CTNNA3: variants seen among roughly 807,000 people sequenced by gnomAD.
CTNNA3 encodes the protein catenin alpha-3.
In CTNNA3, 76 loss-of-function variants were observed where a neutral mutation model predicts 95.7. That is an observed-to-expected ratio of 0.79 (90% CI 0.66 to 0.96). The LOEUF is 0.96. Among genes scored for constraint, CTNNA3 ranks in the 40% least tolerant of loss-of-function variants. The pLI, the probability that CTNNA3 is intolerant of heterozygous loss-of-function variation, is 0.00. For missense variants in CTNNA3, 1,191 were observed against 1,089.8 expected (o/e 1.09, Z -1.31); for synonymous variants, 431 against 374.4 (o/e 1.15, Z -1.74).
intron 3 of CTNNA3, among the ~76,000 whole-genome samples, chr10:67,581,970 T>C (rs1182118056): frequency 6.6e-6 from 1 of 152,174 alleles, no homozygotes; most frequent in Non-Finnish European, 1.5e-5. Flanking sequence ...TTTGTCTTGA[T>C]AGCGGTCTAT....
intron 7 of CTNNA3, among the ~76,000 whole-genome samples, chr10:66,842,155 C>G (rs1213572294): frequency 2.0e-5 from 3 of 151,882 alleles, no homozygotes; most frequent in Non-Finnish European, 2.9e-5. Context: ...GTTGCCCAGG[C>G]TGGTCTTGAA....
intron 10 of CTNNA3, among the ~76,000 whole-genome samples, chr10:66,577,308 T>G (rs999782343): frequency 6.6e-6 from 1 of 152,112 alleles, no homozygotes; most frequent in Non-Finnish European, 1.5e-5. Flanking sequence ...TTTCTTTTAT[T>G]GTGCAAAAGC....
intron 12 of CTNNA3, among the ~76,000 whole-genome samples, chr10:66,284,915 C>T (rs1235495484): frequency 6.6e-6 from 1 of 151,626 alleles, no homozygotes; most frequent in Non-Finnish European, 1.5e-5. Flanking sequence ...CTACAAATAC[C>T]ACTTTATACT....
chr10:66,222,639 AAAG>A, intron 13 of CTNNA3, among the ~76,000 whole-genome samples: 1 of 149,626 alleles, frequency 6.7e-6, no homozygotes, highest in African/African-American at 2.5e-5. Flanking sequence ...AGAAAGAAAG[AAAG>A]AAAAGAGAGG....
chr10:66,882,523 C>T (rs747472205), intron 7 of CTNNA3, among the ~76,000 whole-genome samples: 22 of 152,096 alleles, frequency 1.4e-4, no homozygotes, highest in Non-Finnish European at 2.6e-4. Context: ...CATGCATTGA[C>T]GGTTCTTACA....
intron 6 of CTNNA3, among the ~76,000 whole-genome samples, chr10:67,197,224 G>A (rs143975009): frequency 2.3e-4 from 35 of 152,094 alleles, no homozygotes; most frequent in South Asian, 1.2e-3. Context: ...CATTTCCGAG[G>A]TTTATGTCAA....
chr10:66,100,198 C>T (rs1260402316), intron 14 of CTNNA3, among the ~76,000 whole-genome samples: 1 of 151,412 alleles, frequency 6.6e-6, no homozygotes, highest in East Asian at 1.9e-4. Context: ...ACTACTTGAT[C>T]CTACTGGGGA....
intron 11 of CTNNA3, among the ~76,000 whole-genome samples, chr10:66,434,191 G>A (rs2093320158): frequency 1.3e-5 from 2 of 152,010 alleles, no homozygotes; most frequent in South Asian, 4.2e-4. Context: ...AAAGTCAATG[G>A]TTGCTTAATG....
At chr10:66,823,857 CA>C (rs1401139709) in intron 7 of CTNNA3, among the ~76,000 whole-genome samples, 1 of 151,980 alleles carries the variant, frequency 6.6e-6, no homozygotes, top group African/African-American at 2.4e-5. Context: ...CCAGAGGGGC[CA>C]GAATCAAACC....
At position 66,487,181 on chromosome 10, in the gene CTNNA3, ATTTTTTTTTTTTTTTTTTTTTTTT is replaced by A. The variant is rs60547696; in HGVS notation, c.1531+33412_1531+33435del. On this transcript the variant is annotated intron_variant, in intron 11 of 17. Coordinates refer to ENST00000433211, the MANE Select transcript of CTNNA3 (RefSeq NM_013266.4). ...TACTTGAAATTTAATAAAAGGGCAG[ATTTTTTTTTTTTTTTTTTTTTTTT>A]TTTTTTTTTTTTTTGAGACGGAATC... 7.4e-4 allele frequency among the ~76,000 whole-genome samples: 34 copies of A among 45,948 alleles called. 1 individual carries two copies. The highest frequency in any genetic ancestry group is 3.0e-3 in the African/African-American group (33 of 11,090). 30.1% of individuals were successfully genotyped at this position (45,948 alleles called of 152,430 possible). A position where few individuals can be genotyped will look rare whatever the true frequency, so the allele number is the denominator to read the frequency against.
intron 1 of CTNNA3, among the ~76,000 whole-genome samples, chr10:67,726,438 T>TC (rs1841221379): frequency 1.4e-5 from 1 of 71,630 alleles, no homozygotes; most frequent in Non-Finnish European, 2.3e-5. Flanking sequence ...ATATCATATA[T>TC]AATATATAAT....
At chr10:66,658,932 C>T (rs1410584562) in intron 9 of CTNNA3, among the ~76,000 whole-genome samples, 1 of 152,060 alleles carries the variant, frequency 6.6e-6, no homozygotes, top group East Asian at 1.9e-4. Flanking sequence ...CAAGGGATCC[C>T]CCCGCTTCAG....
At chr10:67,436,741 A>T (rs1221817902) in intron 5 of CTNNA3, among the ~76,000 whole-genome samples, 1 of 152,208 alleles carries the variant, frequency 6.6e-6, no homozygotes, top group Non-Finnish European at 1.5e-5. Flanking sequence ...ATAACTAATT[A>T]TCAGGGAAAT....
rs1297513703 is a variant in CTNNA3 at position 67,402,848 on chromosome 10, T to TGCCAGTCA, written c.579+118993_579+118994insTGACTGGC. 5.3e-5 allele frequency among the ~76,000 whole-genome samples: 8 copies of TGCCAGTCA among 152,182 alleles called. No individual in the cohort carries two copies. In the East Asian group the frequency reaches 1.5e-3, roughly 29 times the overall value. ...AGATTTACATACCCCAGCCACAGGA[T>TGCCAGTCA]CCCTGGCAAAGGTGACTACAACTCA... On this transcript the variant is annotated intron_variant, in intron 5 of 17. Transcript: ENST00000433211.
At chr10:67,727,661 TATATA>T (rs1177703937) in intron 1 of CTNNA3, among the ~76,000 whole-genome samples, 26 of 127,814 alleles carry the variant, frequency 2.0e-4, no homozygotes, top group African/African-American at 4.7e-4. Context: ...TTATATATGA[TATATA>T]ATATAATATA....
chr10:67,253,183 C>A (rs2132364883), intron 5 of CTNNA3, among the ~76,000 whole-genome samples: 2 of 152,200 alleles, frequency 1.3e-5, no homozygotes, highest in Middle Eastern at 3.4e-3. Flanking sequence ...TGATAGTCAA[C>A]CTGATAACCG....
chr10:65,961,945 A>T (rs1420912569), intron 17 of CTNNA3, among the ~76,000 whole-genome samples: 1 of 152,102 alleles, frequency 6.6e-6, no homozygotes, highest in Non-Finnish European at 1.5e-5. Context: ...TGAAGCTGAA[A>T]GACAAAAGTG....
chr10:66,977,762 T>C (rs1460436429), intron 7 of CTNNA3, among the ~76,000 whole-genome samples: 1 of 152,212 alleles, frequency 6.6e-6, no homozygotes, highest in Non-Finnish European at 1.5e-5. Context: ...GATTCTCTTT[T>C]CTGAGTTGGG....
intron 10 of CTNNA3, among the ~76,000 whole-genome samples, chr10:66,532,323 G>A (rs758126752): frequency 6.6e-6 from 1 of 152,046 alleles, no homozygotes; most frequent in Non-Finnish European, 1.5e-5. Context: ...TTAGCCGGGC[G>A]TGGTGGTAGG....
Sources: allele counts gnomAD v4.1 joint callset (sites outside exome capture counted in the v4.1 genomes callset), GRCh38; gene constraint gnomAD v4.1.1; transcripts MANE v1.5; gene names NCBI Gene and HGNC (gene_info 2026-07-23, HGNC 2026-07-21).